The following ZDHHC11B variants were observed in gnomAD, a reference collection of about 807,000 sequenced individuals.
ZDHHC11B encodes zDHHC palmitoyltransferase 11B (putative), also known as probable palmitoyltransferase ZDHHC11B.
In ZDHHC11B, 17 loss-of-function variants were observed where a neutral mutation model predicts 42.3. The ratio of observed to expected loss-of-function variants is 0.40; its 90% CI spans 0.27 to 0.60. The LOEUF is 0.60. Among genes scored for constraint, ZDHHC11B ranks in the 20% least tolerant of loss-of-function variants. The pLI, the probability that ZDHHC11B is intolerant of heterozygous loss-of-function variation, is 0.41. For synonymous variants in ZDHHC11B, 123 were observed against 193.5 expected, an observed-to-expected ratio of 0.64 and a Z score of 3.02; for missense variants, 262 against 463.2, an observed-to-expected ratio of 0.57 and a Z score of 3.99.
chr5:764,777 C>T (rs1485530142), intron 4 of ZDHHC11B, among the ~76,000 whole-genome samples: 1 of 151,980 alleles, frequency 6.6e-6, no homozygotes, highest in Non-Finnish European at 1.5e-5. Flanking sequence ...GCAGCTCCAC[C>T]TGCCCCCGGT....
intron 4 of ZDHHC11B, among the ~76,000 whole-genome samples, chr5:759,042 C>A (rs1452411727): frequency 6.6e-6 from 1 of 151,870 alleles, no homozygotes; most frequent in Non-Finnish European, 1.5e-5. Flanking sequence ...TCTACTTTCA[C>A]GTTTAATTTT....
At position 751,468 on chromosome 5, in the gene ZDHHC11B, CAGGGGCG is replaced by C. The variant is rs1341357982; in HGVS notation, c.504-218_504-212del. Among the ~76,000 whole-genome samples the C allele has an allele frequency of 8.4e-4, 19 of 22,714 alleles. No homozygotes were observed. The East Asian group carries it at 0.016, about 19-fold the overall frequency. 14.9% of individuals were successfully genotyped at this position (22,714 alleles called of 152,430 possible). A position where few individuals can be genotyped will look rare whatever the true frequency, so the allele number is the denominator to read the frequency against. ...GCAGGGACACGCAGGGCATCTGAGG[CAGGGGCG>C]GGGGCATGCAGGGCAGGTGGGGGGT... On this transcript the variant is annotated intron_variant, in intron 6 of 13. Coordinates refer to ENST00000508859, the MANE Select transcript of ZDHHC11B (RefSeq NM_001351303.2).
At chr5:727,847 A>C (rs1413763278) in intron 12 of ZDHHC11B, among the ~76,000 whole-genome samples, 2 of 151,424 alleles carry the variant, frequency 1.3e-5, no homozygotes, top group Non-Finnish European at 2.9e-5. Flanking sequence ...TAAAAATATC[A>C]GCAAAGAGTT....
At chr5:723,875 C>T (rs1365655744) in intron 12 of ZDHHC11B, among the ~76,000 whole-genome samples, 188 of 138,554 alleles carry the variant, frequency 1.4e-3, no homozygotes, top group African/African-American at 4.4e-3. Context: ...TCAAGTTGCG[C>T]AGCCTCCCCC....
intron 12 of ZDHHC11B, among the ~76,000 whole-genome samples, chr5:722,974 C>A (rs544472123): frequency 3.3e-5 from 5 of 151,584 alleles, no homozygotes; most frequent in African/African-American, 1.2e-4. Flanking sequence ...TATGTATGTA[C>A]TCTTTAGGAA....
Position 765,370 on chromosome 5 carries a change from T to C in ZDHHC11B, c.222+1328A>G, listed in dbSNP as rs1735130779. Reference sequence around the variant, plus strand: ...TAAATACACCAATCAGCACTCTGTGTCTAGCTCAAGGTTTGTAAATGCACC... The same window carrying C: ...TAAATACACCAATCAGCACTCTGTGCCTAGCTCAAGGTTTGTAAATGCACC... On this transcript the variant is annotated intron_variant, in intron 4 of 13. Coordinates refer to ENST00000508859, the MANE Select transcript of ZDHHC11B (RefSeq NM_001351303.2). Among the ~76,000 whole-genome samples, 3 of 152,006 alleles carry C rather than the reference T, an allele frequency of 2.0e-5. No homozygotes were observed. The South Asian group carries it at 6.2e-4, about 32-fold the overall frequency.
chr5:742,670 G>A lies in ZDHHC11B; in HGVS notation c.901-1042C>T, dbSNP rs542945861. 6.7e-5 allele frequency among the ~76,000 whole-genome samples: 10 copies of A among 150,040 alleles called. 2 individuals are homozygous for A. Among genetic ancestry groups the A allele is most frequent in the Admixed American group, 2.7e-4 (4 of 14,832 alleles). On this transcript the variant is annotated intron_variant, in intron 9 of 13. Coordinates refer to ENST00000508859, the MANE Select transcript of ZDHHC11B (RefSeq NM_001351303.2). Reference sequence around the variant, plus strand: ...ACTGTTGCACACATGTCATGTAAACGTAACTTTTATAAGCACTGGGAAACC... The same window carrying A: ...ACTGTTGCACACATGTCATGTAAACATAACTTTTATAAGCACTGGGAAACC...
intron 11 of ZDHHC11B, chr5:732,047 CA>C (rs1233251613): frequency 6.6e-6 from 1 of 152,368 alleles, no homozygotes; most frequent in Non-Finnish European, 1.5e-5. Context: ...TTCATCGAGT[CA>C]GGGTGTCTTC....
intron 9 of ZDHHC11B, among the ~76,000 whole-genome samples, chr5:743,953 A>G (rs564667791): frequency 1.7e-4 from 25 of 150,066 alleles, no homozygotes; most frequent in African/African-American, 6.1e-4. Context: ...GAGGGTCACC[A>G]GCCTTTCACC....
At chr5:765,846 G>A (rs562518564) in intron 4 of ZDHHC11B, among the ~76,000 whole-genome samples, 32 of 151,954 alleles carry the variant, frequency 2.1e-4, no homozygotes, top group South Asian at 1.0e-3. Flanking sequence ...CACTCACCGC[G>A]AGGGTCTGCG....
intron 12 of ZDHHC11B, among the ~76,000 whole-genome samples, chr5:718,579 C>T (rs1741948687): frequency 1.3e-5 from 2 of 151,256 alleles, no homozygotes; most frequent in African/African-American, 2.4e-5. Context: ...GCCTGTAGTC[C>T]CAGTTACTCG....
rs751752680 is a variant in ZDHHC11B, at chr5:761,384, G to C, written c.223-5240C>G. Among the ~76,000 whole-genome samples the C allele has an allele frequency of 8.6e-5, 13 of 151,870 alleles. 1 individual carries two copies. The highest frequency in any genetic ancestry group is 1.3e-4 in the Non-Finnish European group (9 of 67,916). ...CTGTGGATTTCTGGGCCCTGGAGGT[G>C]GGGGAGGCCATCTAGGACCCAGGCT... On this transcript the variant is annotated intron_variant, in intron 4 of 13. Transcript: ENST00000508859.
chr5:778,662 C>T (rs1481634065), intron 1 of ZDHHC11B, among the ~76,000 whole-genome samples: 2 of 152,138 alleles, frequency 1.3e-5, no homozygotes, highest in Non-Finnish European at 2.9e-5. Flanking sequence ...CCCATCTAAT[C>T]CCCAGAACCT....
chr5:762,061 GCAGCCCAGACAGCCACTCA>G (rs1734698019), intron 4 of ZDHHC11B, among the ~76,000 whole-genome samples: 2 of 141,158 alleles, frequency 1.4e-5, no homozygotes, highest in African/African-American at 2.7e-5. Flanking sequence ...ATGCCCACTT[GCAGCCCAGACAGCCACTCA>G]CAGCCCAGAC....
intron 12 of ZDHHC11B, among the ~76,000 whole-genome samples, chr5:728,556 T>C (rs1256346468): frequency 1.3e-5 from 2 of 151,990 alleles, no homozygotes; most frequent in Non-Finnish European, 2.9e-5. Flanking sequence ...AACACATCTA[T>C]ATGAAACGTC....
Position 774,100 on chromosome 5 carries a change from G to A in ZDHHC11B, c.-229-5170C>T, listed in dbSNP as rs1246986181. On this transcript the variant is annotated intron_variant, in intron 1 of 13. Coordinates refer to ENST00000508859, the MANE Select transcript of ZDHHC11B (RefSeq NM_001351303.2). ...GACTCGGCCACCTAGGCGGGGCTTC[G>A]TCCCAGACACCGCAGGCCACCTTGG... Among the ~76,000 whole-genome samples, 70 of 151,964 alleles carry A rather than the reference G, an allele frequency of 4.6e-4. 1 individual carries two copies. Among genetic ancestry groups the A allele is most frequent in the South Asian group, 1.9e-3 (9 of 4,810 alleles).
chr5:773,533 C>T (rs1736224683), intron 1 of ZDHHC11B, among the ~76,000 whole-genome samples: 1 of 151,850 alleles, frequency 6.6e-6, no homozygotes, highest in Non-Finnish European at 1.5e-5. Context: ...GTGCCCTGCA[C>T]TCCCAGGCCT....
In ZDHHC11B at chr5:711,720, C is replaced by T; in HGVS notation, c.*570G>A. On this transcript the variant is annotated 3_prime_UTR_variant, in exon 14 of 14. Coordinates refer to ENST00000508859, the MANE Select transcript of ZDHHC11B (RefSeq NM_001351303.2). ...TACTCTGTGCTCCCATTTCCCAGTA[C>T]TTTGTGCTCCCATTTCCCAGCACTG... 2 of 151,896 alleles carry T rather than the reference C, an allele frequency of 1.3e-5. No individual in the cohort carries two copies. Among genetic ancestry groups the T allele is most frequent in the Middle Eastern group, 1.0e-3 (2 of 1,908 alleles). 9.4% of individuals were successfully genotyped at this position (151,896 alleles called of 1,614,324 possible).
Position 716,680 on chromosome 5 carries a change from C to A in ZDHHC11B, c.*7+121G>T, listed in dbSNP as rs1355824952. The A allele has an allele frequency of 6.2e-6, 8 of 1,286,208 alleles. 1 individual carries two copies. In the African/African-American group the frequency reaches 8.6e-5, roughly 14 times the overall value. 79.7% of individuals were successfully genotyped at this position (1,286,208 alleles called of 1,614,324 possible). A position where few individuals can be genotyped will look rare whatever the true frequency, so the allele number is the denominator to read the frequency against. On this transcript the variant is annotated intron_variant, in intron 13 of 13. Coordinates refer to ENST00000508859, the MANE Select transcript of ZDHHC11B (RefSeq NM_001351303.2). ...TGGGGTTACTGTTGACATCAAGAGA[C>A]AAACGACAAGCAGCCCAGCCCTTGA...
Sources: allele counts gnomAD v4.1 joint callset (sites outside exome capture counted in the v4.1 genomes callset), GRCh38; gene constraint gnomAD v4.1.1; transcripts MANE v1.5; gene names NCBI Gene and HGNC (gene_info 2026-07-23, HGNC 2026-07-21).